ANKS1B: variants seen among roughly 807,000 people sequenced by gnomAD.
ANKS1B encodes ankyrin repeat and sterile alpha motif domain containing 1B, also known as ankyrin repeat and sterile alpha motif domain-containing protein 1B.
ANKS1B carries 36 observed loss-of-function variants against 148.3 expected under a neutral mutation model. That is an observed-to-expected ratio of 0.24 (90% confidence interval 0.19 to 0.32). The LOEUF is 0.32. ANKS1B is among the 10% of genes least tolerant of loss of function. The pLI is 1.00. For synonymous variants in ANKS1B, 542 were observed against 560.8 expected, an observed-to-expected ratio of 0.97 and a Z score of 0.47; for missense variants, 1,157 against 1,542.6, an observed-to-expected ratio of 0.75 and a Z score of 4.19.
intron 15 of ANKS1B, among the ~76,000 whole-genome samples, chr12:99,108,658 A>G (rs1286027046): frequency 6.6e-6 from 1 of 152,214 alleles, no homozygotes; most frequent in Non-Finnish European, 1.5e-5. Flanking sequence ...GATTTGAGCT[A>G]AAAAGAGAAC....
intron 11 of ANKS1B, among the ~76,000 whole-genome samples, chr12:99,417,668 A>G (rs940058964): frequency 6.6e-6 from 1 of 152,194 alleles, no homozygotes; most frequent in African/African-American, 2.4e-5. Flanking sequence ...TGAGTCTTCT[A>G]ATCCATAAAC....
Position 98,949,247 on chromosome 12 carries a change from C to T in ANKS1B, c.2778+103910G>A, listed in dbSNP as rs74239099. Among the ~76,000 whole-genome samples the T allele has an allele frequency of 5.1e-3, 780 of 152,152 alleles. 1 individual carries two copies. The highest frequency in any genetic ancestry group is 0.01 in the Middle Eastern group (3 of 294). On this transcript the variant is annotated intron_variant, in intron 17 of 26. Transcript: ENST00000683438. ...GATTACAGGCACGAGCCACCGCACA[C>T]GGCCAGGTATGAGCTACTTTTAAGG...
chr12:98,944,615 G>T (rs969680045), intron 17 of ANKS1B, among the ~76,000 whole-genome samples: 20 of 152,136 alleles, frequency 1.3e-4, no homozygotes, highest in African/African-American at 4.8e-4. Flanking sequence ...TATTTATCAG[G>T]ATTCAAAATA....
chr12:99,371,490 C>T (rs1426997761), intron 12 of ANKS1B, among the ~76,000 whole-genome samples: 7 of 151,932 alleles, frequency 4.6e-5, no homozygotes, highest in Admixed American at 4.6e-4. Context: ...TAATCTATTT[C>T]TTAGGCAAGT....
chr12:99,811,642 TTG>T (rs1035397695), intron 3 of ANKS1B, among the ~76,000 whole-genome samples: 1 of 151,850 alleles, frequency 6.6e-6, no homozygotes, highest in African/African-American at 2.4e-5. Flanking sequence ...GCATATGTGT[TTG>T]TGTTTGTATA....
intron 14 of ANKS1B, among the ~76,000 whole-genome samples, chr12:99,225,824 C>T (rs904088812): frequency 3.9e-5 from 6 of 152,218 alleles, no homozygotes; most frequent in African/African-American, 7.2e-5. Flanking sequence ...CTTGGACTGG[C>T]TTCCTCGCTT....
intron 9 of ANKS1B, among the ~76,000 whole-genome samples, chr12:99,512,739 A>G (rs2096779030): frequency 1.3e-5 from 2 of 152,108 alleles, no homozygotes; most frequent in South Asian, 4.1e-4. Context: ...GAATGAGATC[A>G]TGTCCTTTGC....
intron 25 of ANKS1B, among the ~76,000 whole-genome samples, chr12:98,756,799 C>T (rs11109587): frequency 0.097 from 14,419 of 148,414 alleles, 875 homozygotes; most frequent in Non-Finnish European, 0.14. Context: ...GCGATCTTGG[C>T]TCACTGCAAC....
chr12:98,943,047 C>T (rs572646942), intron 17 of ANKS1B, among the ~76,000 whole-genome samples: 13 of 152,288 alleles, frequency 8.5e-5, no homozygotes, highest in East Asian at 7.7e-4. Flanking sequence ...AATCTGCCTA[C>T]GTGTGAAAGG....
chr12:99,370,597 C>T (rs931300012), intron 12 of ANKS1B, among the ~76,000 whole-genome samples: 2 of 152,010 alleles, frequency 1.3e-5, no homozygotes, highest in Admixed American at 6.6e-5. Context: ...AGGTTTTTGC[C>T]CTCTGGATGG....
intron 3 of ANKS1B, 75 bp downstream of exon 3, chr12:99,812,080 A>G (rs1447058410): frequency 6.7e-7 from 1 of 1,502,862 alleles, no homozygotes; most frequent in East Asian, 2.3e-5. Flanking sequence ...AAGATAAAAA[A>G]ATCACATTTT....
intron 17 of ANKS1B, among the ~76,000 whole-genome samples, chr12:98,947,585 AG>A (rs1345786913): frequency 6.6e-6 from 1 of 152,246 alleles, no homozygotes; most frequent in Admixed American, 6.5e-5. Flanking sequence ...ACCCAAACAC[AG>A]GGTTCACACG....
chr12:99,555,743 T>C (rs1397203797), intron 9 of ANKS1B, among the ~76,000 whole-genome samples: 1 of 152,222 alleles, frequency 6.6e-6, no homozygotes, highest in Admixed American at 6.5e-5. Context: ...ATCATATTTA[T>C]TTGCGTATGT....
chr12:99,085,060 C>T (rs1164837690), intron 15 of ANKS1B, 37 bp from the exon 16 acceptor site: 3 of 1,480,472 alleles, frequency 2.0e-6, no homozygotes, highest in Admixed American at 3.8e-5. Context: ...TTAAATCAAG[C>T]ATTTATACTG....
At chr12:98,900,804 T>C (rs1002597012) in intron 17 of ANKS1B, among the ~76,000 whole-genome samples, 1 of 152,208 alleles carries the variant, frequency 6.6e-6, no homozygotes, top group African/African-American at 2.4e-5. Context: ...TGAATACCTG[T>C]GATGTCATAT....
At chr12:99,438,013 TCTC>T (rs2152773771) in intron 11 of ANKS1B, among the ~76,000 whole-genome samples, 1 of 152,092 alleles carries the variant, frequency 6.6e-6, no homozygotes, top group Non-Finnish European at 1.5e-5. Flanking sequence ...TGGTCTCTCT[TCTC>T]CTCTATCTTC....
At chr12:99,797,397 A>C (rs987096279) in intron 4 of ANKS1B, among the ~76,000 whole-genome samples, 27 of 152,048 alleles carry the variant, frequency 1.8e-4, no homozygotes, top group African/African-American at 6.5e-4. Context: ...TATTCTTGTG[A>C]AATATTTAGT....
chr12:99,191,040 A>T (rs2080615286), intron 14 of ANKS1B, among the ~76,000 whole-genome samples: 2 of 152,202 alleles, frequency 1.3e-5, no homozygotes, highest in African/African-American at 4.8e-5. Context: ...TAGGTGAAGG[A>T]TATGAACAGA....
intron 17 of ANKS1B, among the ~76,000 whole-genome samples, chr12:98,953,291 G>A (rs2099856836): frequency 6.6e-6 from 1 of 151,936 alleles, no homozygotes; most frequent in Non-Finnish European, 1.5e-5. Context: ...AAAGTGCTGG[G>A]ACTACAGGTG....
Sources: gnomAD v4.1 joint callset for allele counts (sites outside exome capture counted in the v4.1 genomes callset) on GRCh38, gnomAD v4.1.1 for gene constraint, MANE v1.5 for transcripts, NCBI Gene and HGNC (gene_info 2026-07-23, HGNC 2026-07-21) for gene names.